Variants in ARHGEF10 observed in about 807,000 individuals in gnomAD.
ARHGEF10 encodes Rho guanine nucleotide exchange factor 10.
In ARHGEF10, 140 loss-of-function variants were observed where a neutral mutation model predicts 147.4. That is an observed-to-expected ratio of 0.95 (90% confidence interval 0.83 to 1.09). The LOEUF is 1.09. ARHGEF10 is among the 50% of genes least tolerant of loss of function. ARHGEF10 has a pLI of 0.00. For synonymous variants in ARHGEF10, 902 were observed against 695.8 expected (o/e 1.30, Z -4.67); for missense variants, 2,222 against 1,752.7 (o/e 1.27, Z -4.78).
rs116425884 is a variant in ARHGEF10, at chr8:1,877,852, G to A, written c.843+1118G>A. 5.5e-3 allele frequency among the ~76,000 whole-genome samples: 840 copies of A among 152,166 alleles called. 7 individuals carry two copies. The highest frequency in any genetic ancestry group is 0.019 in the African/African-American group (778 of 41,498). Reference sequence around the variant, plus strand: ...TCCTTGTCTGAGGCTGGCGAGTCCCGTGTTACTGATAGAGATGGTGAACGG... The same window carrying A: ...TCCTTGTCTGAGGCTGGCGAGTCCCATGTTACTGATAGAGATGGTGAACGG... On this transcript the variant is annotated intron_variant, in intron 8 of 28. Coordinates refer to ENST00000349830, the MANE Select transcript of ARHGEF10 (RefSeq NM_014629.4).
At chr8:1,847,065 C>T (rs1804619001) in intron 2 of ARHGEF10, among the ~76,000 whole-genome samples, 1 of 152,136 alleles carries the variant, frequency 6.6e-6, no homozygotes, top group South Asian at 2.1e-4. Context: ...TCACCTTTAC[C>T]AGGTCCCTGT....
At position 1,890,161 on chromosome 8, in the gene ARHGEF10, GAGTGGGGTGAGGGTTTGTGAGGAGA is replaced by G. The variant is rs1487152245; in HGVS notation, c.1183-3407_1183-3383del. On this transcript the variant is annotated intron_variant, in intron 11 of 28. Transcript: ENST00000349830. Reference sequence around the variant, plus strand: ...GGGTGAGGGTTTGTGAGGAGACACTGAGTGGGGTGAGGGTTTGTGAGGAGACACTGAATAGGGTGAGGGTTGTGAA... The same window carrying G: ...GGGTGAGGGTTTGTGAGGAGACACTGCACTGAATAGGGTGAGGGTTGTGAA... 1.0e-3 allele frequency among the ~76,000 whole-genome samples: 61 copies of G among 59,576 alleles called. 1 individual carries two copies. The highest frequency in any genetic ancestry group is 3.8e-3 in the African/African-American group (58 of 15,284). The allele number at this position is 59,576 out of a possible 152,430, so 39.1% of individuals were successfully genotyped here.
chr8:1,909,967 G>GGA (rs1563271676), intron 18 of ARHGEF10, among the ~76,000 whole-genome samples: 1 of 152,184 alleles, frequency 6.6e-6, no homozygotes, highest in Non-Finnish European at 1.5e-5. Context: ...CAAGGTGAAA[G>GGA]GAGAGGAGTC....
intron 1 of ARHGEF10, among the ~76,000 whole-genome samples, chr8:1,832,118 G>A (rs1803146882): frequency 6.6e-6 from 1 of 152,196 alleles, no homozygotes; most frequent in South Asian, 2.1e-4. Context: ...GGGTCCTGTG[G>A]CCCCGCTCTG....
At chr8:1,827,290 G>C (rs535275586) in intron 1 of ARHGEF10, among the ~76,000 whole-genome samples, 1 of 152,170 alleles carries the variant, frequency 6.6e-6, no homozygotes, top group East Asian at 1.9e-4. Context: ...TCTGTGAGTA[G>C]TTTTCCAAAT....
At chr8:1,870,330 G>C (rs1419024538) in intron 7 of ARHGEF10, 1 of 135,206 alleles carries the variant, frequency 7.4e-6, no homozygotes, top group Non-Finnish European at 1.5e-5. Flanking sequence ...TTTTAACTTT[G>C]AAACCAGTAG....
intron 1 of ARHGEF10, among the ~76,000 whole-genome samples, chr8:1,833,431 G>C (rs1803387869): frequency 6.6e-6 from 1 of 152,076 alleles, no homozygotes; most frequent in Non-Finnish European, 1.5e-5. Context: ...CAGAGACAGA[G>C]ACAGAGGCAG....
chr8:1,885,580 C>T (rs559749334), intron 10 of ARHGEF10, 21 bp from the exon 11 acceptor site: 2 of 1,507,114 alleles, frequency 1.3e-6, no homozygotes, highest in Non-Finnish European at 1.8e-6. Flanking sequence ...AAAATTCATG[C>T]ATTTTGACTT....
intron 7 of ARHGEF10, among the ~76,000 whole-genome samples, chr8:1,874,726 TAAGC>T (rs1807508701): frequency 6.6e-6 from 1 of 151,208 alleles, no homozygotes; most frequent in African/African-American, 2.5e-5. Flanking sequence ...CCGGGGTGTG[TAAGC>T]AGTGGAGGTT....
At chr8:1,835,483 G>C (rs1446275774) in intron 1 of ARHGEF10, among the ~76,000 whole-genome samples, 1 of 152,192 alleles carries the variant, frequency 6.6e-6, no homozygotes, top group African/African-American at 2.4e-5. Context: ...TGTTTCCCAG[G>C]TAGAGGCCCT....
In ARHGEF10 at chr8:1,935,221, AC is replaced by A; in HGVS notation, c.3222+1285del. Among the ~76,000 whole-genome samples, 2 of 150,118 alleles carry A rather than the reference AC, an allele frequency of 1.3e-5. 1 individual carries two copies. The highest frequency in any genetic ancestry group is 3.0e-5 in the Non-Finnish European group (2 of 67,620). ...CTCCCACACACGCACACCCCCCACAACCCCCCATCAGCCCCGTCCTGGAGTG... is the reference window on the plus strand; with the variant it reads ...CTCCCACACACGCACACCCCCCACAACCCCCATCAGCCCCGTCCTGGAGTG... On this transcript the variant is annotated intron_variant, in intron 26 of 28. Coordinates refer to ENST00000349830, the MANE Select transcript of ARHGEF10 (RefSeq NM_014629.4).
intron 7 of ARHGEF10, among the ~76,000 whole-genome samples, chr8:1,873,564 T>C (rs1251433441): frequency 7.5e-5 from 7 of 93,290 alleles, no homozygotes; most frequent in Admixed American, 3.8e-4. Context: ...CCTTGAGAGG[T>C]GCCGCGGGGT....
intron 4 of ARHGEF10, 59 bp downstream of exon 4, chr8:1,860,243 C>T (rs1563191169): frequency 1.3e-6 from 2 of 1,520,692 alleles, no homozygotes; most frequent in East Asian, 2.3e-5. Flanking sequence ...CCTCTCCACG[C>T]CCCCGAAGTG....
chr8:1,954,758 T>C (rs1815341896), intron 28 of ARHGEF10, among the ~76,000 whole-genome samples: 1 of 152,246 alleles, frequency 6.6e-6, no homozygotes, highest in South Asian at 2.1e-4. Context: ...CCAATTTGTA[T>C]CTTAAAGGGT....
At chr8:1,826,029 C>G (rs1563140279) in intron 1 of ARHGEF10, 9 of 1,268,860 alleles carry the variant, frequency 7.1e-6, no homozygotes, top group Non-Finnish European at 8.9e-6. Flanking sequence ...ACACTTTGTC[C>G]CTGTCTGTCT....
At chr8:1,872,836 T>C (rs1031760481) in intron 7 of ARHGEF10, among the ~76,000 whole-genome samples, 5 of 152,162 alleles carry the variant, frequency 3.3e-5, no homozygotes, top group African/African-American at 1.2e-4. Flanking sequence ...TAGATGGAGG[T>C]GTGCCTGCTG....
Position 1,857,953 on chromosome 8 carries a change from T to G in ARHGEF10, c.38-7T>G. On this transcript the variant is annotated splice_polypyrimidine_tract_variant and splice_region_variant and intron_variant, in intron 2 of 28. Transcript: ENST00000349830. Reference sequence around the variant, plus strand: ...CTCCTTGATGTGGTTTTGGTTTTTCTTTTTAGAAAATGAAATGAAATATGA... The same window carrying G: ...CTCCTTGATGTGGTTTTGGTTTTTCGTTTTAGAAAATGAAATGAAATATGA... 1.2e-6 allele frequency: 2 copies of G among 1,611,312 alleles called. No homozygotes were observed. The highest frequency in any genetic ancestry group is 2.2e-5 in the South Asian group (2 of 90,834).
intron 8 of ARHGEF10, among the ~76,000 whole-genome samples, chr8:1,877,601 G>T (rs1807816489): frequency 6.6e-6 from 1 of 151,074 alleles, no homozygotes; most frequent in Non-Finnish European, 1.5e-5. Flanking sequence ...GGTGTGAGGT[G>T]GGATGTCAGA....
chr8:1,862,929 C>T (rs1307579933), intron 4 of ARHGEF10, among the ~76,000 whole-genome samples: 1 of 151,802 alleles, frequency 6.6e-6, no homozygotes, highest in Non-Finnish European at 1.5e-5. Context: ...CAGGCGCCCG[C>T]CACCACGCCC....
Sources: gnomAD v4.1 joint callset for allele counts (sites outside exome capture counted in the v4.1 genomes callset) on GRCh38, gnomAD v4.1.1 for gene constraint, MANE v1.5 for transcripts, NCBI Gene and HGNC (gene_info 2026-07-23, HGNC 2026-07-21) for gene names.